The following MAP3K20 variants were observed in gnomAD, a reference collection of about 807,000 sequenced individuals.
The protein encoded by MAP3K20 is mitogen-activated protein kinase kinase kinase 20, also known as HCCS-4.
MAP3K20 carries 40 observed loss-of-function variants against 85.7 expected under a neutral mutation model. That is an observed-to-expected ratio of 0.47 (90% CI 0.36 to 0.61). The LOEUF (loss-of-function observed/expected upper bound fraction) is 0.61. Ranked by LOEUF, MAP3K20 falls within the 20% of genes least tolerant of loss-of-function variation. The pLI is 0.00. For missense variants in MAP3K20, 817 were observed against 961.7 expected (o/e 0.85, Z 1.99); for synonymous variants, 325 against 327.7 (o/e 0.99, Z 0.09).
intron 2 of MAP3K20, among the ~76,000 whole-genome samples, chr2:173,143,005 C>G (rs1233102845): frequency 6.6e-6 from 1 of 152,034 alleles, no homozygotes; most frequent in East Asian, 1.9e-4. Flanking sequence ...CCAGCCTGGA[C>G]AGCAGAGCTA....
At chr2:173,260,921 G>A in intron 17 of MAP3K20, 142 bp from the exon 18 acceptor site, 1 of 656,260 alleles carries the variant, frequency 1.5e-6, no homozygotes, top group Non-Finnish European at 2.6e-6. Context: ...GTGATCACAT[G>A]AGAACCAACA....
intron 1 of MAP3K20, chr2:173,090,710 T>A (rs1463998620): frequency 9.7e-7 from 1 of 1,028,260 alleles, no homozygotes; most frequent in African/African-American, 1.7e-5. Context: ...CAGAGCTCCT[T>A]GGGATGAGTA....
chr2:173,213,692 C>T (rs1032485276), intron 10 of MAP3K20, among the ~76,000 whole-genome samples: 2 of 152,268 alleles, frequency 1.3e-5, no homozygotes, highest in South Asian at 4.1e-4. Flanking sequence ...ACAGGCCTGC[C>T]CTTGCACCCA....
chr2:173,105,690 A>G (rs1437600774), intron 2 of MAP3K20, among the ~76,000 whole-genome samples: 1 of 152,222 alleles, frequency 6.6e-6, no homozygotes, highest in Non-Finnish European at 1.5e-5. Flanking sequence ...TTCCACTTAT[A>G]TGAGGTACCT....
chr2:173,222,105 G>C, intron 11 of MAP3K20: 3 of 913,812 alleles, frequency 3.3e-6, no homozygotes, highest in Non-Finnish European at 3.9e-6. Flanking sequence ...GGGAGGCCAA[G>C]GCAGGAGGAT....
chr2:173,158,495 CAAGT>C (rs1244067649), intron 2 of MAP3K20, among the ~76,000 whole-genome samples: 2 of 152,048 alleles, frequency 1.3e-5, no homozygotes, highest in African/African-American at 4.8e-5. Flanking sequence ...TTTTGAGAGT[CAAGT>C]AAGATAAATG....
intron 5 of MAP3K20, among the ~76,000 whole-genome samples, chr2:173,188,363 A>G (rs1215413622): frequency 1.3e-5 from 2 of 152,148 alleles, no homozygotes; most frequent in Non-Finnish European, 2.9e-5. Flanking sequence ...TAAACATCAG[A>G]GTTTGCCACT....
At chr2:173,221,668 T>A in intron 11 of MAP3K20, 4 of 1,343,514 alleles carry the variant, frequency 3.0e-6, no homozygotes, top group Non-Finnish European at 3.8e-6. Flanking sequence ...TACATGACCG[T>A]AATTTCTTAT....
chr2:173,261,614 T>C (rs534315689), intron 18 of MAP3K20, among the ~76,000 whole-genome samples: 1 of 152,206 alleles, frequency 6.6e-6, no homozygotes, highest in Non-Finnish European at 1.5e-5. Flanking sequence ...ATTTCATTCA[T>C]TCATCAATTC....
chr2:173,205,592 C>T (rs1559278026), intron 9 of MAP3K20, among the ~76,000 whole-genome samples: 1 of 152,148 alleles, frequency 6.6e-6, no homozygotes, highest in Non-Finnish European at 1.5e-5. Flanking sequence ...CTTGGCTTGG[C>T]TTGGCTTAAC....
Position 173,261,089 on chromosome 2 carries a change from T to C in MAP3K20, c.1503T>C (p.Ile501=), listed in dbSNP as rs1685281117. The change falls in exon 18 of 20, where the codon ATT becomes ATC. Residue 501 remains isoleucine (I), a synonymous_variant. Transcript: ENST00000375213. ...CACCATTTGTAATGGAGAAGTGGAT[T>C]GTAGGAATAGCAAAAAGTCAGACTG... is the stretch of plus-strand genomic sequence containing the variant. ...TKPPFVMEKW[I]VGIAKSQTVE... 6.2e-7 allele frequency: 1 copy of C among 1,613,586 alleles called. No individual in the cohort carries two copies. Among genetic ancestry groups the C allele is most frequent in the Non-Finnish European group, 8.5e-7 (1 of 1,179,690 alleles).
intron 2 of MAP3K20, among the ~76,000 whole-genome samples, chr2:173,126,917 C>T (rs1327534830): frequency 6.6e-6 from 1 of 152,186 alleles, no homozygotes; most frequent in Non-Finnish European, 1.5e-5. Context: ...AATTGAAATA[C>T]AGCCTGTGAA....
chr2:173,185,565 A>G (rs891047952), intron 4 of MAP3K20, among the ~76,000 whole-genome samples: 4 of 152,226 alleles, frequency 2.6e-5, no homozygotes, highest in Non-Finnish European at 4.4e-5. Flanking sequence ...AAATTCAGCT[A>G]TGTACCTTTC....
chr2:173,259,735 T>C (rs1328695350), intron 17 of MAP3K20, among the ~76,000 whole-genome samples: 1 of 152,272 alleles, frequency 6.6e-6, no homozygotes, highest in Non-Finnish European at 1.5e-5. Context: ...ATATTCATTG[T>C]TGGATTCCAC....
intron 2 of MAP3K20, among the ~76,000 whole-genome samples, chr2:173,100,651 A>G (rs1687612251): frequency 6.6e-6 from 1 of 152,118 alleles, no homozygotes; most frequent in South Asian, 2.1e-4. Context: ...CATAGTAACA[A>G]ACTCTTAGGT....
intron 17 of MAP3K20, among the ~76,000 whole-genome samples, 187 bp downstream of exon 17, chr2:173,259,002 C>T (rs1197490051): frequency 1.3e-5 from 2 of 152,088 alleles, no homozygotes; most frequent in Non-Finnish European, 2.9e-5. Flanking sequence ...TAAAATTCTA[C>T]TTATGCTGTG....
intron 2 of MAP3K20, among the ~76,000 whole-genome samples, chr2:173,091,834 T>G (rs994921381): frequency 6.6e-6 from 1 of 152,142 alleles, no homozygotes; most frequent in Non-Finnish European, 1.5e-5. Context: ...GTCATCCTTC[T>G]CAGGAATGAG....
At chr2:173,203,769 T>C in intron 8 of MAP3K20, 27 bp from the exon 9 acceptor site, 1 of 1,553,474 alleles carries the variant, frequency 6.4e-7, no homozygotes, top group Non-Finnish European at 8.9e-7. Flanking sequence ...TGTTTTATTT[T>C]GTTTTGTTTC....
At chr2:173,221,153 C>T (rs760535040) in intron 11 of MAP3K20, 13 of 1,506,712 alleles carry the variant, frequency 8.6e-6, no homozygotes, top group South Asian at 4.1e-5. Flanking sequence ...TTGATAGCTT[C>T]TCTTGCCTCT....
Sources: gnomAD v4.1 joint callset for allele counts (sites outside exome capture counted in the v4.1 genomes callset) on GRCh38, gnomAD v4.1.1 for gene constraint, MANE v1.5 for transcripts, NCBI Gene and HGNC (gene_info 2026-07-23, HGNC 2026-07-21) for gene names.